The following LETMD1 variants were observed in gnomAD, a reference collection of about 807,000 sequenced individuals.
The protein encoded by LETMD1 is LETM1 domain-containing protein 1.
In LETMD1, 30 loss-of-function variants were observed where a neutral mutation model predicts 43.9. That is an observed-to-expected ratio of 0.68 (90% CI 0.51 to 0.93). The LOEUF is 0.93. Among genes scored for constraint, LETMD1 ranks in the 40% least tolerant of loss-of-function variants. LETMD1 has a pLI of 0.00. For synonymous variants in LETMD1, 176 were observed against 163.1 expected, an observed-to-expected ratio of 1.08 and a Z score of -0.60; for missense variants, 413 against 447.7, an observed-to-expected ratio of 0.92 and a Z score of 0.70.
rs1431644596 is a variant in LETMD1 at position 51,059,520 on chromosome 12, A to C, written c.*89A>C. On this transcript the variant is annotated 3_prime_UTR_variant, in exon 9 of 9. Coordinates refer to ENST00000262055, the MANE Select transcript of LETMD1 (RefSeq NM_015416.5). The stretch of plus-strand genomic sequence containing the variant: ...GCACTTGCCAGCAAAGTCTGTGTGT[A>C]CTGTTAAGTGTGTGGGAGGCAGAGA... 1 of 1,167,048 alleles carries C rather than the reference A, an allele frequency of 8.6e-7. No homozygotes were observed. The highest frequency in any genetic ancestry group is 1.5e-5 in the African/African-American group (1 of 66,310). The allele number at this position is 1,167,048 out of a possible 1,614,324, so 72.3% of individuals were successfully genotyped here.
rs1948652468 is a variant in LETMD1 at position 51,059,644 on chromosome 12, T to C, written c.*213T>C. On this transcript the variant is annotated 3_prime_UTR_variant, in exon 9 of 9. Coordinates refer to ENST00000262055, the MANE Select transcript of LETMD1 (RefSeq NM_015416.5). ...CTGAAACAAACCCTCTTGCTAGGGG[T>C]GGTCCGTGTGAGGTGTCATCCTGTC... is the stretch of plus-strand genomic sequence containing the variant. The C allele has an allele frequency of 1.8e-6, 1 of 566,858 alleles. No individual in the cohort carries two copies. Among genetic ancestry groups the C allele is most frequent in the Admixed American group, 2.7e-5 (1 of 37,216 alleles). 35.1% of individuals were successfully genotyped at this position (566,858 alleles called of 1,614,324 possible).
downstream of LETMD1, among the ~76,000 whole-genome samples, chr12:51,065,037 G>A (rs548853064): frequency 2.0e-5 from 3 of 152,274 alleles, no homozygotes; most frequent in East Asian, 1.9e-4. Flanking sequence ...GGAAATTTAC[G>A]AGCCTCAGAG....
At chr12:51,066,635 C>T in the LETMD1 span, among the ~76,000 whole-genome samples, 10 of 43,120 alleles carry the variant, frequency 2.3e-4, no homozygotes, top group African/African-American at 3.9e-4. Context: ...AACGAGACTC[C>T]GTCTCAAAAA....
chr12:51,048,879 G>A, intron 1 of LETMD1, 155 bp from the exon 2 acceptor site: 2 of 700,664 alleles, frequency 2.9e-6, no homozygotes, highest in East Asian at 2.7e-5. Flanking sequence ...CAGTCTGATT[G>A]CCTATCTCTT....
the LETMD1 span, chr12:51,068,040 G>C: frequency 4.9e-6 from 7 of 1,433,548 alleles, no homozygotes; most frequent in South Asian, 8.8e-5. Flanking sequence ...CCATCCCAGA[G>C]CAGCACTGTC....
chr12:51,055,257 A>G (rs539147336), intron 4 of LETMD1, among the ~76,000 whole-genome samples: 1 of 152,246 alleles, frequency 6.6e-6, no homozygotes, highest in South Asian at 2.1e-4. Context: ...GAGTCATTAT[A>G]TCTGATTGCT....
At chr12:51,053,741 TTG>T (rs1345918756) in intron 3 of LETMD1, 35 bp from the exon 4 acceptor site, 1 of 1,426,874 alleles carries the variant, frequency 7.0e-7, no homozygotes, top group East Asian at 2.3e-5. Flanking sequence ...AACAACTTAT[TTG>T]GGTTAAAACT....
At chr12:51,052,413 T>G (rs1048905494) in intron 3 of LETMD1, 1 of 519,828 alleles carries the variant, frequency 1.9e-6, no homozygotes. Flanking sequence ...TAGCAAGAGC[T>G]CCATAGAATT....
chr12:51,068,524 T>C, the LETMD1 span, among the ~76,000 whole-genome samples: 1 of 152,102 alleles, frequency 6.6e-6, no homozygotes, highest in Non-Finnish European at 1.5e-5. Context: ...AAATCCAGAG[T>C]GGGAAGATGG....
Position 51,058,664 on chromosome 12 carries a change from C to T in LETMD1, c.1012+536C>T, listed in dbSNP as rs573921887. 8.2e-5 allele frequency: 13 copies of T among 158,440 alleles called. No individual in the cohort carries two copies. In the South Asian group the frequency reaches 1.5e-3, roughly 18 times the overall value. 9.8% of individuals were successfully genotyped at this position (158,440 alleles called of 1,614,324 possible). On this transcript the variant is annotated intron_variant, in intron 8 of 8. Coordinates refer to ENST00000262055, the MANE Select transcript of LETMD1 (RefSeq NM_015416.5). The stretch of plus-strand genomic sequence containing the variant: ...CTCGAACTCCCGACCTCAGGTGATC[C>T]GCTGGCCTCGGCCTCCCAAAGTTTT...
chr12:51,056,049 A>G (rs377603556), intron 5 of LETMD1, 28 bp downstream of exon 5: 2 of 1,610,884 alleles, frequency 1.2e-6, no homozygotes, highest in Non-Finnish European at 8.5e-7. Context: ...CCTTCCTACA[A>G]ATGTGGAATC....
chr12:51,048,818 G>T, intron 1 of LETMD1: 1 of 601,296 alleles, frequency 1.7e-6, no homozygotes. Flanking sequence ...TCTCTCCAGA[G>T]GCATACCCTG....
the LETMD1 span, among the ~76,000 whole-genome samples, chr12:51,066,146 CCT>C: frequency 2.0e-5 from 3 of 151,988 alleles, no homozygotes; most frequent in Non-Finnish European, 2.9e-5. Flanking sequence ...ATGATGAAAC[CCT>C]GTCTCTACTA....
downstream of LETMD1, chr12:51,064,058 T>C (rs367889191): frequency 3.7e-6 from 6 of 1,614,128 alleles, no homozygotes; most frequent in African/African-American, 8.0e-5. Context: ...GGAAAGAGGC[T>C]GAGCCTTCTT....
At chr12:51,065,899 T>G in the LETMD1 span, among the ~76,000 whole-genome samples, 1 of 152,170 alleles carries the variant, frequency 6.6e-6, no homozygotes, top group African/African-American at 2.4e-5. Context: ...AAGAGTGAGT[T>G]AGGAGAAATC....
Position 51,056,471 on chromosome 12 carries a change from T to C in LETMD1, c.884T>C (p.Ile295Thr). Reference protein sequence around the residue: ...QLDKALAKLGIGQLTAQEVKS... With the variant: ...QLDKALAKLGTGQLTAQEVKS... ...GACAAGGCTTTGGCAAAGCTGGGGA[T>C]TGGCCAGCTGACTGCTCAGGAAGTA... The change falls in exon 7 of 9, where the codon ATT becomes ACT. Residue 295 changes from isoleucine to threonine, a missense_variant. By Grantham distance (89) the Ile-to-Thr change is moderately conservative. Coordinates refer to ENST00000262055, the MANE Select transcript of LETMD1 (RefSeq NM_015416.5). 6.2e-7 allele frequency: 1 copy of C among 1,614,168 alleles called. No individual in the cohort carries two copies. Among genetic ancestry groups the C allele is most frequent in the Non-Finnish European group, 8.5e-7 (1 of 1,180,048 alleles).
In LETMD1 at chr12:51,058,915, GA is replaced by G. The variant is rs1011193256; in HGVS notation, c.1013-438del. 173 of 192,216 alleles carry G rather than the reference GA, an allele frequency of 9.0e-4. 1 individual carries two copies. The highest frequency in any genetic ancestry group is 3.9e-3 in the African/African-American group (167 of 42,590). 11.9% of individuals were successfully genotyped at this position (192,216 alleles called of 1,614,324 possible). Reference sequence around the variant, plus strand: ...ACTGGTCTAAAGGCATTCAAACTCAGAAAAAAAACAGTCTGCTGACCAAACA... The same window carrying G: ...ACTGGTCTAAAGGCATTCAAACTCAGAAAAAAACAGTCTGCTGACCAAACA... On this transcript the variant is annotated intron_variant, in intron 8 of 8. Coordinates refer to ENST00000262055, the MANE Select transcript of LETMD1 (RefSeq NM_015416.5).
In LETMD1 at chr12:51,049,128, C is replaced by G; in HGVS notation, c.217C>G (p.Arg73Gly). 1.2e-6 allele frequency: 2 copies of G among 1,613,898 alleles called. No homozygotes were observed. Among genetic ancestry groups the G allele is most frequent in the East Asian group, 2.2e-5 (1 of 44,872 alleles). Residue 73 changes from arginine to glycine, a missense_variant, in exon 2 of 9, where the codon CGT becomes GGT. Transcript: ENST00000262055. ...AAAAGCGATTAATGGGAAATACCATCGTTTCTTGGGTCGTCATTTCCCCCG... is the reference window on the plus strand; with the variant it reads ...AAAAGCGATTAATGGGAAATACCATGGTTTCTTGGGTCGTCATTTCCCCCG... ...KTKAINGKYH[R>G]FLGRHFPRFY...
downstream of LETMD1, chr12:51,063,717 T>A (rs749899593): frequency 1.4e-6 from 2 of 1,472,404 alleles, no homozygotes; most frequent in Non-Finnish European, 1.8e-6. Context: ...AAATAGAGAA[T>A]GGGTAAGAGG....
Sources: gnomAD v4.1 joint callset for allele counts (sites outside exome capture counted in the v4.1 genomes callset) on GRCh38, gnomAD v4.1.1 for gene constraint, MANE v1.5 for transcripts, NCBI Gene and HGNC (gene_info 2026-07-23, HGNC 2026-07-21) for gene names.